Variants in GABRA3 observed in about 807,000 individuals in gnomAD.
The protein encoded by GABRA3 is gamma-aminobutyric acid receptor subunit alpha-3.
Under a neutral mutation model 30.1 loss-of-function variants are expected in GABRA3, and 10 were observed. The ratio of observed to expected loss-of-function variants is 0.33; its 90% CI spans 0.20 to 0.56. The LOEUF is 0.56. GABRA3 is among the 20% of genes least tolerant of loss of function. The probability of loss-of-function intolerance (pLI) is 0.89; values close to 1 mark genes in which losing one functional copy is unlikely to be tolerated. For missense variants in GABRA3, 233 were observed against 392.0 expected (o/e 0.59, Z 3.42); for synonymous variants, 151 against 146.8 (o/e 1.03, Z -0.21).
chrX:152,368,369 A>T (rs1479778024), intron 1 of GABRA3, among the ~76,000 whole-genome samples: 1 of 111,410 alleles, frequency 9.0e-6, no homozygotes, highest in African/African-American at 3.3e-5. Context: ...ATTAATCCAC[A>T]TGTAAGTGGC....
intron 3 of GABRA3, among the ~76,000 whole-genome samples, chrX:152,287,578 C>A (rs1939320295): frequency 9.0e-6 from 1 of 111,203 alleles, no homozygotes; most frequent in Non-Finnish European, 1.9e-5. Flanking sequence ...GACAATTAAA[C>A]CTATTTTCTT....
intron 3 of GABRA3, among the ~76,000 whole-genome samples, chrX:152,328,503 G>C (rs1358960891): frequency 9.0e-6 from 1 of 111,730 alleles, no homozygotes; most frequent in Non-Finnish European, 1.9e-5. Context: ...TATCCACCAC[G>C]ATCAAGTTAG....
At chrX:152,403,460 T>C (rs978256575) in intron 1 of GABRA3, among the ~76,000 whole-genome samples, 3 of 110,928 alleles carry the variant, frequency 2.7e-5, no homozygotes, top group Non-Finnish European at 5.7e-5. Flanking sequence ...CTTATGGCTA[T>C]AATGGACAAC....
At chrX:152,431,165 T>C (rs1237358820) in intron 1 of GABRA3, among the ~76,000 whole-genome samples, 1 of 111,752 alleles carries the variant, frequency 8.9e-6, no homozygotes, top group Non-Finnish European at 1.9e-5. Flanking sequence ...GCAGATACTC[T>C]GGAAGCTAGA....
intron 3 of GABRA3, among the ~76,000 whole-genome samples, chrX:152,310,738 TA>T (rs1427242538): frequency 9.1e-6 from 1 of 109,971 alleles, no homozygotes; most frequent in Non-Finnish European, 1.9e-5. Flanking sequence ...AAATCGAGAT[TA>T]AAAAAAACAT....
chrX:152,355,264 G>A (rs748851404), intron 2 of GABRA3, among the ~76,000 whole-genome samples: 5 of 111,273 alleles, frequency 4.5e-5, no homozygotes, highest in Admixed American at 3.8e-4. Context: ...GGAAATATGC[G>A]GCCTTGTGTG....
intron 1 of GABRA3, among the ~76,000 whole-genome samples, chrX:152,425,151 G>T (rs1212160064): frequency 9.4e-6 from 1 of 106,217 alleles, no homozygotes; most frequent in Non-Finnish European, 1.9e-5. Flanking sequence ...TGCCTAGGTT[G>T]GTATCAAACT....
rs139402973 is a variant in GABRA3, at chrX:152,199,003, C to T, written c.779-1218G>A. 4.0e-3 allele frequency among the ~76,000 whole-genome samples: 449 copies of T among 111,537 alleles called. 16 individuals carry two copies. In the East Asian group the frequency reaches 0.1, roughly 26 times the overall value. On this transcript the variant is annotated intron_variant, in intron 7 of 9. Transcript: ENST00000370314. Reference sequence around the variant, plus strand: ...AGTAGGGTGGGCCCCTCATCCAACACGACTAGTGTCCTTAGAAGAGAGCAC... The same window carrying T: ...AGTAGGGTGGGCCCCTCATCCAACATGACTAGTGTCCTTAGAAGAGAGCAC...
chrX:152,392,087 T>A (rs756348955), intron 1 of GABRA3: 1 of 252,843 alleles, frequency 4.0e-6, no homozygotes, highest in Non-Finnish European at 8.1e-6. Flanking sequence ...GGGATTTAAG[T>A]CCAAGCAGTG....
intron 6 of GABRA3, among the ~76,000 whole-genome samples, chrX:152,223,122 A>G (rs1196098850): frequency 8.9e-6 from 1 of 111,835 alleles, no homozygotes; most frequent in Non-Finnish European, 1.9e-5. Context: ...CCAAGGCCAG[A>G]ACTGGCAAAT....
chrX:152,180,537 CT>C (rs1414770426), intron 9 of GABRA3, among the ~76,000 whole-genome samples: 1 of 111,820 alleles, frequency 8.9e-6, no homozygotes, highest in African/African-American at 3.3e-5. Context: ...TATCAAAAAG[CT>C]TTTTAGTTTG....
At chrX:152,231,162 TATATGTATATATACACAC>T (rs1938063080) in intron 5 of GABRA3, among the ~76,000 whole-genome samples, 2 of 96,364 alleles carry the variant, frequency 2.1e-5, no homozygotes, top group Admixed American at 1.1e-4. Context: ...TATACACACA[TATATGTATATATACACAC>T]ATATGTATAT....
intron 4 of GABRA3, among the ~76,000 whole-genome samples, chrX:152,257,849 A>C (rs1241449576): frequency 1.8e-5 from 2 of 112,245 alleles, no homozygotes; most frequent in African/African-American, 6.5e-5. Flanking sequence ...CAACCTCAAA[A>C]TTCTAATCAT....
At position 152,398,040 on chromosome X, in the gene GABRA3, T is replaced by C. The variant is rs190331306; in HGVS notation, c.-26-33444A>G. Among the ~76,000 whole-genome samples the C allele has an allele frequency of 8.1e-5, 9 of 111,800 alleles. No homozygotes were observed. In the East Asian group the frequency reaches 2.6e-3, roughly 32 times the overall value. On this transcript the variant is annotated intron_variant, in intron 1 of 9. Transcript: ENST00000370314. The stretch of plus-strand genomic sequence containing the variant: ...GTCTTTATTTGGGTGACTTTAGTTA[T>C]AATCTCTTCCCTCAGGATCAGACCA...
intron 3 of GABRA3, among the ~76,000 whole-genome samples, chrX:152,335,493 A>G (rs1940220600): frequency 8.9e-6 from 1 of 112,029 alleles, no homozygotes; most frequent in Admixed American, 9.5e-5. Context: ...CAAACTGCAG[A>G]CCAGCTAGTT....
intron 9 of GABRA3, among the ~76,000 whole-genome samples, chrX:152,184,967 C>G (rs1253776125): frequency 9.0e-6 from 1 of 110,722 alleles, no homozygotes; most frequent in African/African-American, 3.3e-5. Flanking sequence ...CTAATGTTTC[C>G]TCTCACATTT....
At chrX:152,195,135 A>T (rs758562219) in intron 8 of GABRA3, among the ~76,000 whole-genome samples, 1 of 111,821 alleles carries the variant, frequency 8.9e-6, no homozygotes, top group East Asian at 2.8e-4. Context: ...TTCTGCAATC[A>T]TTTTTTATAT....
chrX:152,213,089 T>C (rs964440698), intron 6 of GABRA3, among the ~76,000 whole-genome samples: 2 of 111,896 alleles, frequency 1.8e-5, no homozygotes, highest in Admixed American at 1.9e-4. Context: ...AGCAACTCCT[T>C]GTCTTTAGTT....
At chrX:152,294,393 T>C (rs1167112461) in intron 3 of GABRA3, among the ~76,000 whole-genome samples, 3 of 111,290 alleles carry the variant, frequency 2.7e-5, no homozygotes, top group Non-Finnish European at 5.6e-5. Context: ...CAATCACCGA[T>C]ACCCTTTCTT....
Sources: gnomAD v4.1 joint callset for allele counts (sites outside exome capture counted in the v4.1 genomes callset) on GRCh38, gnomAD v4.1.1 for gene constraint, MANE v1.5 for transcripts, NCBI Gene and HGNC (gene_info 2026-07-23, HGNC 2026-07-21) for gene names.